Variants in MACROD2 observed in about 807,000 individuals in gnomAD.
The protein encoded by MACROD2 is mono-ADP ribosylhydrolase 2, also known as ADP-ribose glycohydrolase MACROD2.
In MACROD2, 36 loss-of-function variants were observed where a neutral mutation model predicts 70.4. The observed-to-expected ratio is 0.51, with a 90% CI of 0.39 to 0.68. The LOEUF is 0.68. Among genes scored for constraint, MACROD2 ranks in the 30% least tolerant of loss-of-function variants. MACROD2 has a pLI of 0.00. For missense variants in MACROD2, 496 were observed against 538.4 expected, an observed-to-expected ratio of 0.92 and a Z score of 0.78; for synonymous variants, 172 against 178.8, an observed-to-expected ratio of 0.96 and a Z score of 0.30.
At chr20:15,020,439 C>G (rs1485232072) in intron 5 of MACROD2, among the ~76,000 whole-genome samples, 1 of 152,080 alleles carries the variant, frequency 6.6e-6, no homozygotes, top group African/African-American at 2.4e-5. Context: ...TTTCCTGAAG[C>G]CTGTGTCTTA....
chr20:14,044,901 G>T (rs2053446805), intron 2 of MACROD2, among the ~76,000 whole-genome samples: 1 of 152,214 alleles, frequency 6.6e-6, no homozygotes, highest in Admixed American at 6.5e-5. Flanking sequence ...GGAGGCTCGG[G>T]CCACGCAGGA....
chr20:14,643,282 T>C (rs1006894722), intron 4 of MACROD2, among the ~76,000 whole-genome samples: 3 of 152,120 alleles, frequency 2.0e-5, no homozygotes, highest in Non-Finnish European at 4.4e-5. Context: ...CTCTTAACAT[T>C]ATTATTATGT....
chr20:15,260,885 A>T (rs2077243578), intron 6 of MACROD2, among the ~76,000 whole-genome samples: 1 of 152,044 alleles, frequency 6.6e-6, no homozygotes, highest in Non-Finnish European at 1.5e-5. Flanking sequence ...TTTGCAAAAG[A>T]AGTCACATTA....
intron 8 of MACROD2, among the ~76,000 whole-genome samples, chr20:15,584,676 C>A (rs1056018465): frequency 6.6e-6 from 1 of 152,210 alleles, no homozygotes; most frequent in African/African-American, 2.4e-5. Flanking sequence ...CCCTTCCTTG[C>A]GTAGTGTACC....
chr20:15,509,115 G>T (rs1437514151), intron 8 of MACROD2, among the ~76,000 whole-genome samples: 1 of 152,154 alleles, frequency 6.6e-6, no homozygotes, highest in Non-Finnish European at 1.5e-5. Flanking sequence ...CACTGTTTAT[G>T]ATGAGAATAT....
intron 7 of MACROD2, among the ~76,000 whole-genome samples, chr20:15,490,925 C>T (rs557877616): frequency 1.3e-5 from 2 of 152,336 alleles, no homozygotes; most frequent in African/African-American, 2.4e-5. Flanking sequence ...TTATCTTTGC[C>T]TCTTTCCCTC....
chr20:16,038,913 A>G (rs1160606624), intron 15 of MACROD2, among the ~76,000 whole-genome samples: 1 of 151,994 alleles, frequency 6.6e-6, no homozygotes, highest in Admixed American at 6.6e-5. Context: ...GTTAGACTTC[A>G]GGTTTTTTTA....
chr20:14,478,109 G>T (rs1048947647), intron 3 of MACROD2, among the ~76,000 whole-genome samples: 1 of 152,178 alleles, frequency 6.6e-6, no homozygotes, highest in East Asian at 1.9e-4. Flanking sequence ...ACCTGTGAAA[G>T]AATGGAAAAG....
intron 5 of MACROD2, among the ~76,000 whole-genome samples, chr20:15,152,495 A>AAGGGATCGGGGCACACAGATAAGAGGTTG (rs1351354651): frequency 6.9e-6 from 1 of 144,494 alleles, no homozygotes; most frequent in South Asian, 2.2e-4. Context: ...ATAAGAGGTT[A>AAGGGATCGGGGCACACAGATAAGAGGTTG]GGGCATGGAA....
intron 5 of MACROD2, among the ~76,000 whole-genome samples, chr20:14,907,720 G>C (rs1392594312): frequency 6.6e-6 from 1 of 152,164 alleles, no homozygotes; most frequent in Non-Finnish European, 1.5e-5. Context: ...GAAGTGATGG[G>C]TAGTGAGAGA....
intron 5 of MACROD2, among the ~76,000 whole-genome samples, chr20:14,949,528 T>G (rs772756251): frequency 3.9e-5 from 6 of 152,156 alleles, no homozygotes; most frequent in Non-Finnish European, 7.4e-5. Context: ...TGATTTCAGG[T>G]CACTACTTGT....
At chr20:15,516,217 T>C (rs1309540041) in intron 8 of MACROD2, among the ~76,000 whole-genome samples, 2 of 152,200 alleles carry the variant, frequency 1.3e-5, no homozygotes, top group African/African-American at 2.4e-5. Context: ...AATGTTTTCA[T>C]TTCCAGTTCT....
intron 5 of MACROD2, among the ~76,000 whole-genome samples, chr20:15,002,446 C>A (rs2075003419): frequency 6.6e-6 from 1 of 152,124 alleles, no homozygotes; most frequent in Admixed American, 6.6e-5. Flanking sequence ...CCTTAGCCCA[C>A]TTTTCGATGG....
chr20:14,422,382 T>G (rs981588962), intron 3 of MACROD2, among the ~76,000 whole-genome samples: 2 of 152,220 alleles, frequency 1.3e-5, no homozygotes, highest in Non-Finnish European at 2.9e-5. Flanking sequence ...TTTCTGTGCT[T>G]TGGAGATTTT....
chr20:14,666,534 CA>C (rs1437186017), intron 4 of MACROD2, among the ~76,000 whole-genome samples: 1 of 151,928 alleles, frequency 6.6e-6, no homozygotes, highest in African/African-American at 2.4e-5. Flanking sequence ...CTTGTGTTTC[CA>C]GACATTGCTT....
intron 5 of MACROD2, among the ~76,000 whole-genome samples, chr20:14,734,265 G>A (rs983699641): frequency 3.3e-5 from 5 of 151,966 alleles, no homozygotes; most frequent in East Asian, 1.9e-4. Flanking sequence ...TTGGGAGGCC[G>A]AGGCAGGCGG....
chr20:14,518,569 C>T (rs2123169364), intron 4 of MACROD2, among the ~76,000 whole-genome samples: 1 of 152,236 alleles, frequency 6.6e-6, no homozygotes, highest in East Asian at 1.9e-4. Context: ...AGTTTTATTA[C>T]AGATGGCTAC....
intron 5 of MACROD2, among the ~76,000 whole-genome samples, chr20:14,727,959 G>C (rs1400405503): frequency 1.3e-5 from 2 of 152,178 alleles, no homozygotes; most frequent in South Asian, 4.1e-4. Context: ...CATAGCCCAT[G>C]AATTTCAAGA....
At chr20:15,549,700 G>T (rs565210010) in intron 8 of MACROD2, among the ~76,000 whole-genome samples, 1 of 152,120 alleles carries the variant, frequency 6.6e-6, no homozygotes, top group Non-Finnish European at 1.5e-5. Context: ...GTCTGCCCCA[G>T]TCCCAGTCGT....
Sources: allele counts gnomAD v4.1 joint callset (sites outside exome capture counted in the v4.1 genomes callset), GRCh38; gene constraint gnomAD v4.1.1; transcripts MANE v1.5; gene names NCBI Gene and HGNC (gene_info 2026-07-23, HGNC 2026-07-21).